Variants in YIPF1 observed in about 807,000 individuals in gnomAD.
The protein encoded by YIPF1 is Yip1 domain family member 1.
A neutral mutation model predicts 37.0 loss-of-function variants in YIPF1; 22 were observed. That is an observed-to-expected ratio of 0.59 (90% confidence interval 0.42 to 0.85). The LOEUF (loss-of-function observed/expected upper bound fraction) is 0.85, where lower values mean the gene tolerates loss of function less well. YIPF1 is among the 40% of genes least tolerant of loss of function. The pLI, the probability that YIPF1 is intolerant of heterozygous loss-of-function variation, is 0.00. For missense variants in YIPF1, 355 were observed against 373.1 expected, an observed-to-expected ratio of 0.95 and a Z score of 0.40; for synonymous variants, 128 against 131.9, an observed-to-expected ratio of 0.97 and a Z score of 0.21.
At chr1:53,888,024 G>A (rs546874083) in intron 3 of YIPF1, among the ~76,000 whole-genome samples, 17 of 152,256 alleles carry the variant, frequency 1.1e-4, no homozygotes, top group South Asian at 8.3e-4. Flanking sequence ...TCAGAAGTTC[G>A]AGACCAGCCT....
intron 7 of YIPF1, among the ~76,000 whole-genome samples, chr1:53,870,465 C>G (rs1342654161): frequency 6.6e-6 from 1 of 152,088 alleles, no homozygotes; most frequent in African/African-American, 2.4e-5. Context: ...CATGAGCAAC[C>G]ATGTCCAGCC....
chr1:53,862,574 G>A (rs1310878522), intron 9 of YIPF1, among the ~76,000 whole-genome samples: 2 of 152,024 alleles, frequency 1.3e-5, no homozygotes, highest in African/African-American at 2.4e-5. Context: ...TGCAATCACC[G>A]AGGGGTCCCT....
At chr1:53,875,246 G>T (rs1650304545) in intron 6 of YIPF1, among the ~76,000 whole-genome samples, 1 of 152,192 alleles carries the variant, frequency 6.6e-6, no homozygotes, top group African/African-American at 2.4e-5. Context: ...TTGGGGCAGT[G>T]GCTCATGCCT....
At chr1:53,877,789 T>C (rs7541170) in intron 6 of YIPF1, among the ~76,000 whole-genome samples, 68,245 of 152,190 alleles carry the variant, frequency 0.45, 16,483 homozygotes, top group African/African-American at 0.64. Flanking sequence ...GTTGTAAAGT[T>C]ATTTGAAGAA....
chr1:53,878,789 C>G, intron 4 of YIPF1, 67 bp from the exon 5 acceptor site: 1 of 1,443,886 alleles, frequency 6.9e-7, no homozygotes, highest in African/African-American at 1.4e-5. Context: ...GCGTGGGGTG[C>G]AGGAGGGATC....
chr1:53,876,170 T>C (rs1650329593), intron 6 of YIPF1, among the ~76,000 whole-genome samples: 1 of 152,234 alleles, frequency 6.6e-6, no homozygotes, highest in African/African-American at 2.4e-5. Context: ...AAGCATCTTT[T>C]CATATATTTA....
Position 53,878,381 on chromosome 1 carries a change from A to G in YIPF1, c.298T>C (p.Ser100Pro). Residue 100 changes from serine to proline, a missense_variant, in exon 6 of 11, where the codon TCT (serine) becomes CCT (proline). Transcript: ENST00000072644. ...TYQVFDRIKGSLLPIPGKNFV... is the reference protein window; with the variant it reads ...TYQVFDRIKGPLLPIPGKNFV... The stretch of plus-strand genomic sequence containing the variant: ...TTTTTCCCGGGTATTGGCAAAAGAG[A>G]TCCTTTAATTCTGTCAAAGACCTGG... 6.2e-7 allele frequency: 1 copy of G among 1,614,152 alleles called. No homozygotes were observed.
At chr1:53,889,010 A>G (rs753014157) in intron 2 of YIPF1, 24 bp from the exon 3 acceptor site, 1 of 1,328,702 alleles carries the variant, frequency 7.5e-7, no homozygotes, top group Non-Finnish European at 1.1e-6. Flanking sequence ...ATAGGTAAAC[A>G]TAATAGGATG....
At chr1:53,886,048 CAGA>C (rs1650644159) in intron 3 of YIPF1, among the ~76,000 whole-genome samples, 2 of 151,746 alleles carry the variant, frequency 1.3e-5, no homozygotes, top group Admixed American at 6.6e-5. Flanking sequence ...GAAGGAATGC[CAGA>C]AGGAGGAACA....
intron 4 of YIPF1, 172 bp downstream of exon 4, chr1:53,882,941 A>G: frequency 1.6e-6 from 1 of 616,720 alleles, no homozygotes. Context: ...AAGTGTACTT[A>G]CGGAAAGTAA....
rs575480997 is a variant in YIPF1 at position 53,861,574 on chromosome 1, G to A, written c.832-1421C>T. ...GGCTGGTGTGGTGACTCAAGAGAGAGAGAGAGATTGGGTGTGGTGGAGAGA... is the reference window on the plus strand; with the variant it reads ...GGCTGGTGTGGTGACTCAAGAGAGAAAGAGAGATTGGGTGTGGTGGAGAGA... On this transcript the variant is annotated intron_variant, in intron 9 of 10. Transcript: ENST00000072644. Among the ~76,000 whole-genome samples the A allele has an allele frequency of 5.3e-5, 8 of 151,806 alleles. No homozygotes were observed. The South Asian group carries it at 1.7e-3, about 32-fold the overall frequency.
Position 53,888,831 on chromosome 1 carries a change from T to C in YIPF1, c.31+76A>G, listed in dbSNP as rs1650725378. On this transcript the variant is annotated intron_variant, in intron 3 of 10. Coordinates refer to ENST00000072644, the MANE Select transcript of YIPF1 (RefSeq NM_018982.5). ...TAATATCCTTCAATGTGTGAGGCAG[T>C]ATAGGAATGAAAATACTTGCTGTGA... is the stretch of plus-strand genomic sequence containing the variant. The C allele has an allele frequency of 8.1e-6, 11 of 1,362,632 alleles. No individual in the cohort carries two copies. The South Asian group carries it at 1.4e-4, about 18-fold the overall frequency. 84.4% of individuals were successfully genotyped at this position (1,362,632 alleles called of 1,614,324 possible). A position where few individuals can be genotyped will look rare whatever the true frequency, so the allele number is the denominator to read the frequency against.
intron 9 of YIPF1, among the ~76,000 whole-genome samples, chr1:53,865,626 TACAG>T (rs1381811183): frequency 6.6e-6 from 1 of 152,034 alleles, no homozygotes; most frequent in Admixed American, 6.6e-5. Flanking sequence ...AACAAATGTA[TACAG>T]ACACTCATCC....
intron 6 of YIPF1, 27 bp downstream of exon 6, chr1:53,878,288 C>A (rs201047394): frequency 3.7e-5 from 60 of 1,607,322 alleles, no homozygotes; most frequent in Non-Finnish European, 5.0e-5. Context: ...AACTGAAATA[C>A]GGTAAACAAA....
chr1:53,859,297 G>A (rs1557601481), intron 10 of YIPF1, among the ~76,000 whole-genome samples: 1 of 152,206 alleles, frequency 6.6e-6, no homozygotes, highest in Non-Finnish European at 1.5e-5. Context: ...TGATTAGTCA[G>A]CCATTAGTGT....
intron 9 of YIPF1, among the ~76,000 whole-genome samples, chr1:53,860,891 G>A (rs1019625163): frequency 3.3e-5 from 5 of 152,190 alleles, no homozygotes; most frequent in Non-Finnish European, 7.3e-5. Context: ...TTGAGCCCAG[G>A]AAAATACCAA....
chr1:53,864,382 A>G (rs1359610275), intron 9 of YIPF1, among the ~76,000 whole-genome samples: 1 of 152,252 alleles, frequency 6.6e-6, no homozygotes, highest in East Asian at 1.9e-4. Context: ...TCAAACCAAC[A>G]GGCCCGCCTT....
intron 7 of YIPF1, among the ~76,000 whole-genome samples, chr1:53,869,606 C>G (rs540532602): frequency 2.6e-5 from 4 of 152,070 alleles, no homozygotes; most frequent in Non-Finnish European, 5.9e-5. Flanking sequence ...TACAGCCTCT[C>G]GACAGCAGAG....
chr1:53,862,766 A>C (rs764594177), intron 9 of YIPF1, among the ~76,000 whole-genome samples: 2 of 152,162 alleles, frequency 1.3e-5, no homozygotes, highest in Non-Finnish European at 2.9e-5. Context: ...ATGACTCGTC[A>C]TATTTTCCAT....
Sources: gnomAD v4.1 joint callset for allele counts (sites outside exome capture counted in the v4.1 genomes callset) on GRCh38, gnomAD v4.1.1 for gene constraint, MANE v1.5 for transcripts, NCBI Gene and HGNC (gene_info 2026-07-23, HGNC 2026-07-21) for gene names.